The following ARX variants were observed in gnomAD, a reference collection of about 807,000 sequenced individuals.
The protein encoded by ARX is aristaless related homeobox, also known as homeobox protein ARX.
In ARX, 1 loss-of-function variant was observed where a neutral mutation model predicts 23.1. The ratio of observed to expected loss-of-function variants is 0.04; its 90% confidence interval spans 0.02 to 0.21. ARX has a LOEUF of 0.21. Ranked by LOEUF, ARX falls within the 10% of genes least tolerant of loss-of-function variation. The pLI is 1.00. For synonymous variants in ARX, 301 were observed against 270.1 expected, an observed-to-expected ratio of 1.11 and a Z score of -1.12; for missense variants, 380 against 527.5, an observed-to-expected ratio of 0.72 and a Z score of 2.74.
In ARX at chrX:25,015,886, T is replaced by TTGCCGGC. The variant is rs1809880711; in HGVS notation, c.-156_-150dup. On this transcript the variant is annotated 5_prime_UTR_variant, in exon 1 of 5. Coordinates refer to ENST00000379044, the MANE Select transcript of ARX (RefSeq NM_139058.3). ...CTTTGTGCCTTTCTGCCTCCCTTGGTTGCCGGCTGCCGGCTCCCGCCCTGC... is the reference window on the plus strand; with the variant it reads ...CTTTGTGCCTTTCTGCCTCCCTTGGTTGCCGGCTGCCGGCTGCCGGCTCCCGCCCTGC... The TTGCCGGC allele has an allele frequency of 3.0e-6, 2 of 676,728 alleles. No homozygotes were observed. Among genetic ancestry groups the TTGCCGGC allele is most frequent in the Admixed American group, 5.7e-5 (2 of 35,053 alleles). 55.8% of individuals were successfully genotyped at this position (676,728 alleles called of 1,213,427 possible).
intron 3 of ARX, 91 bp downstream of exon 3, chrX:25,010,169 C>G: frequency 1.1e-6 from 1 of 892,619 alleles, no homozygotes; most frequent in Non-Finnish European, 1.6e-6. Context: ...GGGATCTCAC[C>G]CCCCGCACCC....
Position 25,004,685 on chromosome X carries a change from G to T in ARX, c.1674C>A (p.Gly558=), listed in dbSNP as rs888094094. Residue 558 remains glycine, a synonymous_variant, in exon 5 of 5, where the codon GGC becomes GGA. Transcript: ENST00000379044. ...QLNILPGTST[G]KEVC is the part of the protein sequence containing the mutation. ...AGGGCAGCCTTTAGCACACCTCCTT[G>T]CCCGTGCTGGTGCCCGGCAGGATGT... 2.6e-6 allele frequency: 3 copies of T among 1,164,058 alleles called. No individual in the cohort carries two copies. In the African/African-American group the frequency reaches 5.3e-5, roughly 21 times the overall value.
chrX:25,010,368 T>G (rs2048697238), intron 2 of ARX, 63 bp from the exon 3 acceptor site: 4 of 1,164,692 alleles, frequency 3.4e-6, no homozygotes, highest in Non-Finnish European at 4.7e-6. Flanking sequence ...CTCTCAGCTA[T>G]TTCCTCCTCT....
At chrX:25,007,489 C>T in intron 3 of ARX, 50 bp from the exon 4 acceptor site, 2 of 1,132,549 alleles carry the variant, frequency 1.8e-6, no homozygotes, top group South Asian at 2.0e-5. Flanking sequence ...CCGGCGGGCG[C>T]ACCGGGCCCC....
At position 25,012,731 on chromosome X, in the gene ARX, G is replaced by A. The variant is rs73473563; in HGVS notation, c.1073+191C>T. Among the ~76,000 whole-genome samples, 15,790 of 112,097 alleles carry A rather than the reference G, an allele frequency of 0.14. 1,680 individuals are homozygous for A. The highest frequency in any genetic ancestry group is 0.38 in the African/African-American group (11,586 of 30,696). On this transcript the variant is annotated intron_variant, in intron 2 of 4. Transcript: ENST00000379044. ...CCATTCCAGCCTAAACTTAAAGCCC[G>A]AACCGGGGTGGGGGTCGGGGGAGTG...
Position 25,013,697 on chromosome X carries a change from C to T in ARX, c.298G>A (p.Ala100Thr). 6 of 895,019 alleles carry T rather than the reference C, an allele frequency of 6.7e-6. No homozygotes were observed. Among genetic ancestry groups the T allele is most frequent in the Non-Finnish European group, 8.2e-6 (6 of 730,252 alleles). The allele number at this position is 895,019 out of a possible 1,213,427, so 73.8% of individuals were successfully genotyped here. ...GPGGGRLLQG[A>T]AAAAAAAAAA... ...GCCGCCGCCGCCGCCGCCGCTGCCG[C>T]ACCCTGAAGGAGGCGGCCCCCGCCC... The change falls in exon 2 of 5, where the codon GCG becomes ACG. Residue 100 changes from alanine to threonine, a missense_variant. Physicochemically the swap from Ala to Thr is moderately conservative, Grantham distance 58. Transcript: ENST00000379044.
In ARX at chrX:25,004,268, A is replaced by AG. The variant is rs2048666807; in HGVS notation, c.*401_*402insC. 4 of 144,659 alleles carry AG rather than the reference A, an allele frequency of 2.8e-5. No individual in the cohort carries two copies. Among genetic ancestry groups the AG allele is most frequent in the Non-Finnish European group, 5.3e-5 (4 of 75,673 alleles). The allele number at this position is 144,659 out of a possible 1,213,427, so 11.9% of individuals were successfully genotyped here. A position where few individuals can be genotyped will look rare whatever the true frequency, so the allele number is the denominator to read the frequency against. On this transcript the variant is annotated 3_prime_UTR_variant, in exon 5 of 5. Transcript: ENST00000379044. ...AGCGCCAAAATGCTATTTAAAAAAA[A>AG]AAAAGAAAGAAAGAAAGAAAGAAAA...
chrX:25,014,688 G>GA (rs893827991), intron 1 of ARX, among the ~76,000 whole-genome samples: 1 of 112,919 alleles, frequency 8.9e-6, no homozygotes, highest in Non-Finnish European at 1.9e-5. Flanking sequence ...AAAAAGAAAA[G>GA]AAAAAAGTCA....
rs1435192997 is a variant in ARX, at chrX:25,004,634, G to A, written c.*36C>T. On this transcript the variant is annotated 3_prime_UTR_variant, in exon 5 of 5. Transcript: ENST00000379044. Reference sequence around the variant, plus strand: ...GTGGTGCTGAGTGAGGTGACCTTTCGGGGCGCGCGCGGGGCGCGGGTGTGG... The same window carrying A: ...GTGGTGCTGAGTGAGGTGACCTTTCAGGGCGCGCGCGGGGCGCGGGTGTGG... 3 of 1,162,863 alleles carry A rather than the reference G, an allele frequency of 2.6e-6. No individual in the cohort carries two copies. Among genetic ancestry groups the A allele is most frequent in the Non-Finnish European group, 1.1e-6 (1 of 872,479 alleles).
chrX:25,013,911 G>C (rs2048714538), intron 1 of ARX, 113 bp from the exon 2 acceptor site: 1 of 855,447 alleles, frequency 1.2e-6, no homozygotes, highest in Non-Finnish European at 1.4e-6. Context: ...AGGCGTGCGG[G>C]GACCGCGCAC....
chrX:25,007,404 C>T lies in ARX; in HGVS notation c.1155G>A (p.Lys385=), dbSNP rs1053434875. 8.6e-7 allele frequency: 1 copy of T among 1,162,952 alleles called. No homozygotes were observed. Among genetic ancestry groups the T allele is most frequent in the Admixed American group, 2.5e-5 (1 of 40,127 alleles). ...GGGTCTGCGCGCCTGCCTTCTCCCG[C>T]TTGCGCCACTTGGCCCGACGGTTCT... is the stretch of plus-strand genomic sequence containing the variant. ...WFQNRRAKWR[K]REKAGAQTHP... The change falls in exon 4 of 5, where the codon AAG becomes AAA. Residue 385 remains lysine, a synonymous_variant. Transcript: ENST00000379044.
chrX:25,005,356 A>G (rs1023626724), intron 4 of ARX, among the ~76,000 whole-genome samples: 2 of 111,904 alleles, frequency 1.8e-5, no homozygotes, highest in Non-Finnish European at 3.8e-5. Flanking sequence ...GGGAGGAAAA[A>G]AAAGACGGAG....
rs1569395305 is a variant in ARX at position 25,013,065 on chromosome X, G to A, written c.930C>T (p.Ser310=). The A allele has an allele frequency of 8.3e-7, 1 of 1,200,926 alleles. No homozygotes were observed. Among genetic ancestry groups the A allele is most frequent in the Non-Finnish European group, 1.1e-6 (1 of 890,518 alleles). ...AGTCGCTGCCCGCAGAGAGGCACAC[G>A]CTGTCCTCGCCGTCCTTGCCCTCAG... is the stretch of plus-strand genomic sequence containing the variant. ...EDAEGKDGED[S]VCLSAGSDSE... Residue 310 remains serine, a synonymous_variant, in exon 2 of 5, where the codon AGC becomes AGT. Transcript: ENST00000379044.
Position 25,004,880 on chromosome X carries a change from G to A in ARX, c.1479C>T (p.Ser493=), listed in dbSNP as rs1601945709. The A allele has an allele frequency of 8.7e-7, 1 of 1,147,998 alleles. No individual in the cohort carries two copies. The highest frequency in any genetic ancestry group is 1.2e-6 in the Non-Finnish European group (1 of 866,458). 94.6% of individuals were successfully genotyped at this position (1,147,998 alleles called of 1,213,427 possible). The change falls in exon 5 of 5, where the codon AGC becomes AGT. Residue 493 remains serine, a synonymous_variant. Coordinates refer to ENST00000379044, the MANE Select transcript of ARX (RefSeq NM_139058.3). ...TCAGGAGCGCGGCCGCGGTCGACGC[G>A]CTGGTCAGGGGGGCCATTGTGGAAA... ...RLFSTMAPLT[S]ASTAAALLRQ...
chrX:25,004,682 C>T lies in ARX; in HGVS notation c.1677G>A (p.Lys559=), dbSNP rs2147318581. The change falls in exon 5 of 5, where the codon AAG becomes AAA. Residue 559 remains lysine (K), a synonymous_variant. Transcript: ENST00000379044. ...TGGAGGGCAGCCTTTAGCACACCTC[C>T]TTGCCCGTGCTGGTGCCCGGCAGGA... ...LNILPGTSTG[K]EVC 2.6e-6 allele frequency: 3 copies of T among 1,165,207 alleles called. No homozygotes were observed. Among genetic ancestry groups the T allele is most frequent in the Non-Finnish European group, 2.3e-6 (2 of 872,688 alleles).
chrX:25,004,982 C>G (rs1601945770), intron 4 of ARX, 72 bp from the exon 5 acceptor site: 9 of 1,051,608 alleles, frequency 8.6e-6, no homozygotes, highest in South Asian at 8.3e-5. Context: ...CGTCTCCCGC[C>G]GCTTGTCGCC....
Position 25,004,505 on chromosome X carries a change from C to T in ARX, c.*165G>A. 2 of 923,867 alleles carry T rather than the reference C, an allele frequency of 2.2e-6. No individual in the cohort carries two copies. Among genetic ancestry groups the T allele is most frequent in the East Asian group, 3.6e-5 (1 of 28,038 alleles). The allele number at this position is 923,867 out of a possible 1,213,427, so 76.1% of individuals were successfully genotyped here. On this transcript the variant is annotated 3_prime_UTR_variant, in exon 5 of 5. Coordinates refer to ENST00000379044, the MANE Select transcript of ARX (RefSeq NM_139058.3). ...GCCGAGGAGGTGCCACGTCCCGGAG[C>T]GCCGAGGGCTGCCATGCCCGCATCC...
chrX:25,005,151 C>A (rs1041887088), intron 4 of ARX, among the ~76,000 whole-genome samples: 11 of 112,293 alleles, frequency 9.8e-5, no homozygotes, highest in Admixed American at 4.6e-4. Flanking sequence ...CCCCGAGGGG[C>A]CGGGCCGGGC....
intron 3 of ARX, among the ~76,000 whole-genome samples, chrX:25,009,771 C>A (rs960116688): frequency 3.6e-5 from 4 of 112,041 alleles, no homozygotes; most frequent in African/African-American, 1.3e-4. Flanking sequence ...GAGGGGAAAT[C>A]AAACAGCATT....
Sources: allele counts gnomAD v4.1 joint callset (sites outside exome capture counted in the v4.1 genomes callset), GRCh38; gene constraint gnomAD v4.1.1; transcripts MANE v1.5; gene names NCBI Gene and HGNC (gene_info 2026-07-23, HGNC 2026-07-21).